NCKAP5: variants seen among roughly 807,000 people sequenced by gnomAD.
NCKAP5 encodes NCK associated protein 5, also known as nck-associated protein 5.
In NCKAP5, 92 loss-of-function variants were observed where a neutral mutation model predicts 167.0. The observed-to-expected ratio is 0.55, with a 90% confidence interval of 0.47 to 0.66. NCKAP5 has a LOEUF of 0.66. NCKAP5 is among the 30% of genes least tolerant of loss of function. NCKAP5 has a pLI of 0.00. For synonymous variants in NCKAP5, 891 were observed against 877.4 expected (o/e 1.02, Z -0.27); for missense variants, 2,378 against 2,315.0 (o/e 1.03, Z -0.56).
intron 7 of NCKAP5, among the ~76,000 whole-genome samples, chr2:132,989,744 G>A (rs1405536585): frequency 1.3e-5 from 2 of 152,112 alleles, no homozygotes; most frequent in African/African-American, 4.8e-5. Flanking sequence ...ATATTCCACA[G>A]ATAACTGCTC....
intron 3 of NCKAP5, among the ~76,000 whole-genome samples, chr2:133,361,137 A>G (rs1377892403): frequency 6.6e-6 from 1 of 152,014 alleles, no homozygotes; most frequent in Non-Finnish European, 1.5e-5. Context: ...ATCAGAGATG[A>G]GAGGAGGAGC....
chr2:133,470,354 G>T (rs1692962088), intron 3 of NCKAP5, among the ~76,000 whole-genome samples: 1 of 152,178 alleles, frequency 6.6e-6, no homozygotes, highest in African/African-American at 2.4e-5. Context: ...CACTTGAGGA[G>T]GCAGTCTGCC....
chr2:132,836,230 C>T (rs1392801157), intron 11 of NCKAP5, among the ~76,000 whole-genome samples: 1 of 152,148 alleles, frequency 6.6e-6, no homozygotes, highest in Non-Finnish European at 1.5e-5. Context: ...ACAGACTAAG[C>T]TCTCCCATCA....
chr2:132,729,778 C>T (rs1302357946), intron 17 of NCKAP5, among the ~76,000 whole-genome samples: 2 of 152,164 alleles, frequency 1.3e-5, no homozygotes, highest in Non-Finnish European at 1.5e-5. Context: ...CCTCCAACCT[C>T]AGTGATTATA....
intron 7 of NCKAP5, among the ~76,000 whole-genome samples, chr2:132,975,310 G>A (rs1426036782): frequency 6.6e-6 from 1 of 152,102 alleles, no homozygotes; most frequent in Non-Finnish European, 1.5e-5. Context: ...AGAACAAAGT[G>A]TTTTCTTTAT....
At chr2:133,408,974 G>A (rs1559461534) in intron 3 of NCKAP5, among the ~76,000 whole-genome samples, 1 of 152,212 alleles carries the variant, frequency 6.6e-6, no homozygotes, top group Non-Finnish European at 1.5e-5. Flanking sequence ...GACTATGAAT[G>A]AGGAATAAAT....
At position 133,468,494 on chromosome 2, in the gene NCKAP5, T is replaced by A. The variant is rs543707129; in HGVS notation, c.69+48964A>T. Among the ~76,000 whole-genome samples the A allele has an allele frequency of 1.1e-3, 160 of 151,952 alleles. 1 individual carries two copies. The highest frequency in any genetic ancestry group is 3.6e-3 in the African/African-American group (149 of 41,390). On this transcript the variant is annotated intron_variant, in intron 3 of 19. Transcript: ENST00000409261. Reference sequence around the variant, plus strand: ...GAAAAAAATGTATATTCTGTTGATTTGGGGTGGAGAGTTCTGTAGATGTCT... The same window carrying A: ...GAAAAAAATGTATATTCTGTTGATTAGGGGTGGAGAGTTCTGTAGATGTCT...
intron 6 of NCKAP5, among the ~76,000 whole-genome samples, chr2:133,014,645 A>G (rs967053960): frequency 1.3e-5 from 2 of 152,202 alleles, no homozygotes; most frequent in African/African-American, 4.8e-5. Flanking sequence ...TTGTAATCCA[A>G]ACTAAAACTT....
At chr2:132,970,742 C>T (rs1036174293) in intron 7 of NCKAP5, among the ~76,000 whole-genome samples, 1 of 152,160 alleles carries the variant, frequency 6.6e-6, no homozygotes, top group African/African-American at 2.4e-5. Flanking sequence ...CTCAAGCAGT[C>T]AACATCATCA....
chr2:133,028,157 G>A (rs915671770), intron 6 of NCKAP5, among the ~76,000 whole-genome samples: 1 of 151,856 alleles, frequency 6.6e-6, no homozygotes, highest in Non-Finnish European at 1.5e-5. Flanking sequence ...TCTGAATAAG[G>A]GATACTTATC....
intron 19 of NCKAP5, among the ~76,000 whole-genome samples, chr2:132,676,397 A>T (rs1419379813): frequency 7.2e-6 from 1 of 139,858 alleles, no homozygotes. Context: ...CTACATCATC[A>T]GTAGTTTCTC....
chr2:133,647,473 G>GAAGGAAAGGAAAGGA, the NCKAP5 span, among the ~76,000 whole-genome samples: 1,895 of 62,596 alleles, frequency 0.03, 63 homozygotes, highest in East Asian at 0.089. Context: ...AAGGGCAAGG[G>GAAGGAAAGGAAAGGA]AAGGAAAGGA....
chr2:133,268,263 T>C (rs1329422288), intron 4 of NCKAP5: 1 of 152,244 alleles, frequency 6.6e-6, no homozygotes, highest in African/African-American at 2.4e-5. Context: ...GACTGTGTTT[T>C]CCACTTATTT....
At chr2:132,931,916 G>C (rs889204138) in intron 8 of NCKAP5, among the ~76,000 whole-genome samples, 1 of 152,140 alleles carries the variant, frequency 6.6e-6, no homozygotes, top group Non-Finnish European at 1.5e-5. Context: ...ACTTGATAAT[G>C]CTTTTAAGTA....
intron 2 of NCKAP5, among the ~76,000 whole-genome samples, chr2:133,520,553 A>T (rs934974216): frequency 6.6e-6 from 1 of 152,208 alleles, no homozygotes; most frequent in Non-Finnish European, 1.5e-5. Flanking sequence ...GGTAGGTAAG[A>T]CTTAAATATT....
intron 3 of NCKAP5, among the ~76,000 whole-genome samples, chr2:133,414,472 G>T (rs1302062643): frequency 6.6e-6 from 1 of 152,096 alleles, no homozygotes; most frequent in Non-Finnish European, 1.5e-5. Flanking sequence ...GGGCAAAATA[G>T]CCAATGGGAC....
At chr2:133,659,931 T>C in the NCKAP5 span, among the ~76,000 whole-genome samples, 8 of 152,228 alleles carry the variant, frequency 5.3e-5, no homozygotes, top group Non-Finnish European at 1.0e-4. Context: ...TTTCGTGTGG[T>C]AAATGCTCAA....
intron 5 of NCKAP5, among the ~76,000 whole-genome samples, chr2:133,144,738 C>T (rs2083124054): frequency 6.6e-6 from 1 of 152,098 alleles, no homozygotes; most frequent in Non-Finnish European, 1.5e-5. Context: ...TTGTGTTATA[C>T]ATAGAATTAT....
intron 16 of NCKAP5, among the ~76,000 whole-genome samples, chr2:132,741,738 C>A (rs775981251): frequency 1.3e-5 from 2 of 152,116 alleles, no homozygotes; most frequent in Non-Finnish European, 2.9e-5. Flanking sequence ...ATGGCTCCAG[C>A]CCTGATCCTT....
Sources: gnomAD v4.1 joint callset for allele counts (sites outside exome capture counted in the v4.1 genomes callset) on GRCh38, gnomAD v4.1.1 for gene constraint, MANE v1.5 for transcripts, NCBI Gene and HGNC (gene_info 2026-07-23, HGNC 2026-07-21) for gene names.